The following COL1A2 variants were observed in gnomAD, a reference collection of about 807,000 sequenced individuals.
COL1A2 encodes the protein collagen type I alpha 2 chain, also known as collagen alpha-2(I) chain.
COL1A2 carries 49 observed loss-of-function variants against 174.3 expected under a neutral mutation model. The observed-to-expected ratio is 0.28, with a 90% CI of 0.22 to 0.36. The LOEUF is 0.36. Ranked by LOEUF, COL1A2 falls within the 10% of genes least tolerant of loss-of-function variation. The pLI, the probability that COL1A2 is intolerant of heterozygous loss-of-function variation, is 1.00. For synonymous variants in COL1A2, 655 were observed against 606.6 expected, an observed-to-expected ratio of 1.08 and a Z score of -1.17; for missense variants, 1,438 against 1,822.7, an observed-to-expected ratio of 0.79 and a Z score of 3.84.
intron 38 of COL1A2, chr7:94,421,550 T>C (rs1298838322): frequency 2.5e-6 from 1 of 401,398 alleles, no homozygotes; most frequent in African/African-American, 2.0e-5. Flanking sequence ...AGCCAGGTGG[T>C]AAAGATAGTT....
chr7:94,412,653 A>T lies in COL1A2; in HGVS notation c.1474A>T (p.Ile492Phe), dbSNP rs776551401. 2 of 1,614,160 alleles carry T rather than the reference A, an allele frequency of 1.2e-6. No individual in the cohort carries two copies. Among genetic ancestry groups the T allele is most frequent in the Non-Finnish European group, 1.7e-6 (2 of 1,180,022 alleles). The change falls in exon 25 of 52, where the codon ATT becomes TTT. Residue 492 changes from isoleucine to phenylalanine, a missense_variant. Ile to Phe is a conservative substitution (Grantham distance 21). Transcript: ENST00000297268. ...PAGARGEPGNIGFPGPKGPTG... is the reference protein window; with the variant it reads ...PAGARGEPGNFGFPGPKGPTG... ...TGGAGCAAGAGGAGAGCCTGGCAAC[A>T]TTGGATTCCCTGGACCCAAAGGCCC...
At chr7:94,417,929 T>C (rs1792076109) in intron 32 of COL1A2, 98 bp downstream of exon 32, 1 of 975,832 alleles carries the variant, frequency 1.0e-6, no homozygotes, top group Non-Finnish European at 1.6e-6. Context: ...GGTGGTCTGG[T>C]AGCATTTTCA....
At chr7:94,408,107 T>C in intron 13 of COL1A2, 76 bp from the exon 14 acceptor site, 1 of 1,506,848 alleles carries the variant, frequency 6.6e-7, no homozygotes. Flanking sequence ...GGTTGGAAAC[T>C]GAACAAAGCA....
At position 94,410,311 on chromosome 7, in the gene COL1A2, A is replaced by T. The variant is rs772101997; in HGVS notation, c.1089+16A>T. On this transcript the variant is annotated intron_variant, in intron 20 of 51. Transcript: ENST00000297268. ...GGGTGAGCCCGTAAGTAGCTCTATC[A>T]TCACACTTTTATAAAGTTAATTGTT... 1.2e-6 allele frequency: 2 copies of T among 1,613,762 alleles called. No individual in the cohort carries two copies. The highest frequency in any genetic ancestry group is 2.7e-5 in the African/African-American group (2 of 74,930).
Position 94,428,337 on chromosome 7 carries a change from A to C in COL1A2, c.3571A>C (p.Ile1191Leu), listed in dbSNP as rs1792328980. ...DPNQGCTMDAIKVYCDFSTGE... is the reference protein window; with the variant it reads ...DPNQGCTMDALKVYCDFSTGE... ...TAACCAAGGATGCACTATGGATGCT[A>C]TCAAAGTATACTGTGATTTCTCTAC... Residue 1191 changes from isoleucine (I) to leucine (L), a missense_variant, in exon 50 of 52, where the codon ATC becomes CTC. Physicochemically the swap from Ile to Leu is conservative, Grantham distance 5. Transcript: ENST00000297268. 6.2e-7 allele frequency: 1 copy of C among 1,614,164 alleles called. No individual in the cohort carries two copies. Among genetic ancestry groups the C allele is most frequent in the South Asian group, 1.1e-5 (1 of 91,088 alleles).
rs75583081 is a variant in COL1A2, at chr7:94,408,352, A to G, written c.710A>G (p.Asp237Gly). Reference sequence around the variant, plus strand: ...TCTTCTTAGGGTGCCCGTGGCAGTGATGGAAGTGTGGGTCCCGTGGGTCCT... The same window carrying G: ...TCTTCTTAGGGTGCCCGTGGCAGTGGTGGAAGTGTGGGTCCCGTGGGTCCT... ...APGPAGARGS[D>G]GSVGPVGPAG... Residue 237 changes from aspartate to glycine, a missense_variant, in exon 15 of 52, where the codon GAT becomes GGT. Asp to Gly is a moderately conservative substitution (Grantham distance 94). This residue lies in a region of COL1A2 where 281 missense variants were observed against 310.9 expected (regional missense o/e 0.90). Transcript: ENST00000297268. The G allele has an allele frequency of 6.2e-7, 1 of 1,614,090 alleles. No individual in the cohort carries two copies. The highest frequency in any genetic ancestry group is 8.5e-7 in the Non-Finnish European group (1 of 1,180,012).
Position 94,397,744 on chromosome 7 carries a change from A to G in COL1A2, c.71-4A>G. 7.7e-7 allele frequency: 1 copy of G among 1,294,520 alleles called. No homozygotes were observed. The highest frequency in any genetic ancestry group is 1.1e-6 in the Non-Finnish European group (1 of 904,468). The allele number at this position is 1,294,520 out of a possible 1,614,324, so 80.2% of individuals were successfully genotyped here. A position where few individuals can be genotyped will look rare whatever the true frequency, so the allele number is the denominator to read the frequency against. ...TTCCTACTTTTTCTTTTTTTTTTCT[A>G]CAGCTTTACAAGAGGTGAGTAAAAC... On this transcript the variant is annotated splice_region_variant and splice_polypyrimidine_tract_variant and intron_variant, in intron 1 of 51. Transcript: ENST00000297268.
intron 3 of COL1A2, among the ~76,000 whole-genome samples, chr7:94,398,815 T>C (rs2115855212): frequency 6.6e-6 from 1 of 152,206 alleles, no homozygotes; most frequent in East Asian, 1.9e-4. Context: ...AGTATTGACC[T>C]AATAGCTGAA....
rs200057029 is a variant in COL1A2 at position 94,412,632 on chromosome 7, G to A, written c.1453G>A (p.Ala485Thr). Reference protein sequence around the residue: ...GRPGPIGPAGARGEPGNIGFP... With the variant: ...GRPGPIGPAGTRGEPGNIGFP... ...GCCTGGCCCAATTGGCCCAGCTGGA[G>A]CAAGAGGAGAGCCTGGCAACATTGG... is the stretch of plus-strand genomic sequence containing the variant. Residue 485 changes from alanine to threonine, a missense_variant, in exon 25 of 52, where the codon GCA (alanine) becomes ACA (threonine). Ala to Thr is a moderately conservative substitution (Grantham distance 58, BLOSUM62 0). Coordinates refer to ENST00000297268, the MANE Select transcript of COL1A2 (RefSeq NM_000089.4). The A allele has an allele frequency of 6.2e-7, 1 of 1,614,164 alleles. No individual in the cohort carries two copies. Among genetic ancestry groups the A allele is most frequent in the Non-Finnish European group, 8.5e-7 (1 of 1,180,024 alleles).
chr7:94,422,780 G>A (rs1310446640), intron 39 of COL1A2, 177 bp from the exon 40 acceptor site: 2 of 761,462 alleles, frequency 2.6e-6, no homozygotes, highest in African/African-American at 1.7e-5. Context: ...AGGAAGACAG[G>A]AGTTGCTTCT....
At chr7:94,401,722 T>A in intron 6 of COL1A2, 102 bp downstream of exon 6, 1 of 727,200 alleles carries the variant, frequency 1.4e-6, no homozygotes, top group Non-Finnish European at 2.3e-6. Flanking sequence ...AAGTTAACAC[T>A]CAATACTTAG....
At chr7:94,411,810 G>A (rs1402792632) in intron 23 of COL1A2, among the ~76,000 whole-genome samples, 3 of 152,134 alleles carry the variant, frequency 2.0e-5, no homozygotes, top group Non-Finnish European at 2.9e-5. Context: ...TATACATGTT[G>A]CTTAACAGTT....
chr7:94,416,292 C>T, intron 30 of COL1A2, 113 bp from the exon 31 acceptor site: 1 of 868,860 alleles, frequency 1.2e-6, no homozygotes, highest in Non-Finnish European at 1.8e-6. Flanking sequence ...TTTTAATTTG[C>T]TAATAAATGC....
intron 21 of COL1A2, 80 bp downstream of exon 21, chr7:94,410,607 A>G: frequency 1.6e-6 from 2 of 1,246,662 alleles, no homozygotes; most frequent in Non-Finnish European, 2.3e-6. Context: ...GGTCAAAATT[A>G]CTGACTGTGT....
In COL1A2 at chr7:94,425,795, G is replaced by A. The variant is rs762874764; in HGVS notation, c.2881G>A (p.Gly961Ser). Residue 961 changes from glycine to serine, a missense_variant, in exon 44 of 52, where the codon GGT becomes AGT. Gly to Ser is a moderately conservative substitution (Grantham distance 56). Coordinates refer to ENST00000297268, the MANE Select transcript of COL1A2 (RefSeq NM_000089.4). ...PGNIGPVGAA[G>S]APGPHGPVGP... is the part of the protein sequence containing the mutation. ...CAATATTGGTCCCGTTGGTGCTGCA[G>A]GTGCACCTGGTCCTCATGGCCCCGT... is the stretch of plus-strand genomic sequence containing the variant. The A allele has an allele frequency of 1.9e-6, 3 of 1,613,152 alleles. No homozygotes were observed. Among genetic ancestry groups the A allele is most frequent in the Non-Finnish European group, 2.5e-6 (3 of 1,179,620 alleles).
intron 39 of COL1A2, 81 bp downstream of exon 39, chr7:94,422,033 T>G: frequency 8.0e-7 from 1 of 1,242,310 alleles, no homozygotes; most frequent in African/African-American, 1.5e-5. Context: ...TAAGAAACTC[T>G]TCATGAAAAC....
chr7:94,396,425 A>G lies in COL1A2; in HGVS notation c.71-1323A>G, dbSNP rs79174778. On this transcript the variant is annotated intron_variant, in intron 1 of 51. Transcript: ENST00000297268. ...TACTAAGGAGTAATTGCAGTGAACA[A>G]ATTCACATTACCGAGTTCATATTTT... Among the ~76,000 whole-genome samples the G allele has an allele frequency of 0.019, 2,813 of 152,052 alleles. 194 individuals carry two copies. The East Asian group carries it at 0.24, about 13-fold the overall frequency.
chr7:94,395,457 GC>G, intron 1 of COL1A2: 1 of 364,406 alleles, frequency 2.7e-6, no homozygotes, highest in South Asian at 2.2e-5. Context: ...CACCCCACAG[GC>G]CCCATAACCG....
intron 23 of COL1A2, 137 bp downstream of exon 23, chr7:94,411,291 C>A: frequency 1.3e-6 from 1 of 748,832 alleles, no homozygotes; most frequent in Non-Finnish European, 2.3e-6. Flanking sequence ...GCATTTTTGA[C>A]TTTATCAAAG....
Sources: allele counts gnomAD v4.1 joint callset (sites outside exome capture counted in the v4.1 genomes callset), GRCh38; gene constraint gnomAD v4.1.1; regional missense constraint gnomAD v4.1.1; transcripts MANE v1.5; gene names NCBI Gene and HGNC (gene_info 2026-07-23, HGNC 2026-07-21).